The following MTHFD1L variants were observed in gnomAD, a reference collection of about 807,000 sequenced individuals.
MTHFD1L encodes monofunctional C1-tetrahydrofolate synthase, mitochondrial.
In MTHFD1L, 81 loss-of-function variants were observed where a neutral mutation model predicts 119.5. The ratio of observed to expected loss-of-function variants is 0.68; its 90% confidence interval spans 0.57 to 0.82. The LOEUF (loss-of-function observed/expected upper bound fraction) is 0.82. Ranked by LOEUF, MTHFD1L falls within the 40% of genes least tolerant of loss-of-function variation. The pLI is 0.00. For missense variants in MTHFD1L, 1,125 were observed against 1,253.4 expected, an observed-to-expected ratio of 0.90 and a Z score of 1.55; for synonymous variants, 430 against 475.2, an observed-to-expected ratio of 0.90 and a Z score of 1.24.
At chr6:151,027,069 T>C (rs1038688668) in intron 24 of MTHFD1L, among the ~76,000 whole-genome samples, 2 of 152,042 alleles carry the variant, frequency 1.3e-5, no homozygotes, top group Non-Finnish European at 2.9e-5. Context: ...AACCTCATGA[T>C]CCGCCCACCT....
intron 19 of MTHFD1L, among the ~76,000 whole-genome samples, chr6:150,966,483 T>C (rs987492625): frequency 6.6e-6 from 1 of 152,034 alleles, no homozygotes; most frequent in African/African-American, 2.4e-5. Flanking sequence ...ACATGAGATG[T>C]GGGTGGGGAC....
chr6:150,868,425 C>T (rs978725825), intron 1 of MTHFD1L, among the ~76,000 whole-genome samples: 23 of 150,636 alleles, frequency 1.5e-4, no homozygotes, highest in African/African-American at 5.6e-4. Context: ...CTGCAACCTC[C>T]GCCTCCCGGG....
intron 12 of MTHFD1L, among the ~76,000 whole-genome samples, chr6:150,937,556 A>G (rs1302934975): frequency 6.6e-6 from 1 of 152,204 alleles, no homozygotes; most frequent in Non-Finnish European, 1.5e-5. Context: ...AGAATATTGC[A>G]TTTGTATTAC....
At chr6:150,931,301 G>A (rs535668334) in intron 11 of MTHFD1L, among the ~76,000 whole-genome samples, 194 of 144,832 alleles carry the variant, frequency 1.3e-3, no homozygotes, top group African/African-American at 4.9e-3. Flanking sequence ...TCTGCAGAGG[G>A]CCAAATACCC....
rs140541972 is a variant in MTHFD1L, at chr6:150,888,595, A to G, written c.780+614A>G. ...ATATAAAAGCAGAGGTATCATCTTC[A>G]TGGAGAAGATGCAATATCTTAAAGA... On this transcript the variant is annotated intron_variant, in intron 7 of 27. Coordinates refer to ENST00000367321, the MANE Select transcript of MTHFD1L (RefSeq NM_015440.5). Among the ~76,000 whole-genome samples the G allele has an allele frequency of 2.2e-3, 336 of 152,352 alleles. 2 individuals carry two copies. Among genetic ancestry groups the G allele is most frequent in the African/African-American group, 7.4e-3 (308 of 41,582 alleles).
intron 26 of MTHFD1L, among the ~76,000 whole-genome samples, chr6:151,042,940 T>C (rs1225922555): frequency 6.6e-6 from 1 of 152,218 alleles, no homozygotes; most frequent in East Asian, 1.9e-4. Context: ...CTCAGGCCAG[T>C]TGCAAGAGAG....
At chr6:151,029,095 T>C (rs1489540904) in intron 24 of MTHFD1L, among the ~76,000 whole-genome samples, 2 of 152,154 alleles carry the variant, frequency 1.3e-5, no homozygotes, top group African/African-American at 4.8e-5. Flanking sequence ...TTATATGTTA[T>C]GTGTACGTTA....
intron 20 of MTHFD1L, among the ~76,000 whole-genome samples, chr6:151,009,047 G>A (rs376834254): frequency 4.0e-5 from 6 of 150,644 alleles, no homozygotes; most frequent in Admixed American, 1.3e-4. Flanking sequence ...GCTTGAACCC[G>A]GGAGGCGGAG....
intron 26 of MTHFD1L, chr6:151,057,430 C>T: frequency 1.2e-6 from 1 of 801,898 alleles, no homozygotes. Context: ...TGCTTGAGCC[C>T]AGGAGTTTGA....
chr6:150,923,102 A>G (rs1162249637), intron 10 of MTHFD1L, among the ~76,000 whole-genome samples: 1 of 152,166 alleles, frequency 6.6e-6, no homozygotes, highest in Non-Finnish European at 1.5e-5. Context: ...TACTCTGGGG[A>G]TAAAGGACCG....
At chr6:151,027,664 TC>T (rs200596243) in intron 24 of MTHFD1L, among the ~76,000 whole-genome samples, 5 of 149,856 alleles carry the variant, frequency 3.3e-5, no homozygotes, top group Non-Finnish European at 7.4e-5. Flanking sequence ...ATTACACTTC[TC>T]CCCCAAATCA....
intron 9 of MTHFD1L, among the ~76,000 whole-genome samples, chr6:150,919,090 G>C (rs1288926226): frequency 6.6e-6 from 1 of 151,488 alleles, no homozygotes; most frequent in Non-Finnish European, 1.5e-5. Flanking sequence ...TTGAACCCAG[G>C]AGACAGAGGT....
intron 11 of MTHFD1L, among the ~76,000 whole-genome samples, chr6:150,932,816 G>GAGGAAGGAAGGAAGGAAGGAAGGA (rs60832992): frequency 3.3e-5 from 4 of 119,482 alleles, no homozygotes; most frequent in African/African-American, 9.9e-5. Flanking sequence ...GAGAGGGAGG[G>GAGGAAGGAAGGAAGGAAGGAAGGA]AGGAAGGAAG....
intron 26 of MTHFD1L, among the ~76,000 whole-genome samples, chr6:151,060,001 T>C (rs1233573349): frequency 6.6e-6 from 1 of 152,124 alleles, no homozygotes; most frequent in Non-Finnish European, 1.5e-5. Context: ...CAGGCCAAGG[T>C]CAGCAAGAGG....
chr6:150,865,949 C>T lies in MTHFD1L; in HGVS notation c.127C>T (p.Arg43Trp). 1 of 1,228,314 alleles carries T rather than the reference C, an allele frequency of 8.1e-7. No individual in the cohort carries two copies. The highest frequency in any genetic ancestry group is 1.0e-6 in the Non-Finnish European group (1 of 988,570). The allele number at this position is 1,228,314 out of a possible 1,614,324, so 76.1% of individuals were successfully genotyped here. ...CGGCGGCGGAGGCGGCGGCGGTGGC[C>T]GGGAGGGCCTGCTTGGACAGCGGCG... ...SGGGGGGGGG[R>W]EGLLGQRRPQ... The change falls in exon 1 of 28, where the codon CGG becomes TGG. Residue 43 changes from arginine (R) to tryptophan (W), a missense_variant. Coordinates refer to ENST00000367321, the MANE Select transcript of MTHFD1L (RefSeq NM_015440.5).
chr6:150,951,881 A>T (rs1794927727), intron 16 of MTHFD1L, among the ~76,000 whole-genome samples: 1 of 152,024 alleles, frequency 6.6e-6, no homozygotes, highest in Non-Finnish European at 1.5e-5. Context: ...AGGAAGGTGG[A>T]AATTAGTGTA....
At chr6:151,089,373 G>A (rs1158253504) in intron 26 of MTHFD1L, among the ~76,000 whole-genome samples, 6 of 152,178 alleles carry the variant, frequency 3.9e-5, no homozygotes, top group African/African-American at 1.4e-4. Flanking sequence ...AGGCTGAGGC[G>A]GGTGGATCAC....
chr6:151,094,597 G>A (rs1243858566), intron 27 of MTHFD1L, among the ~76,000 whole-genome samples: 1 of 151,978 alleles, frequency 6.6e-6, no homozygotes, highest in Non-Finnish European at 1.5e-5. Flanking sequence ...AGGCTGGAGT[G>A]CAGCGGCACT....
intron 19 of MTHFD1L, among the ~76,000 whole-genome samples, chr6:150,967,335 C>A (rs1797358369): frequency 6.6e-6 from 1 of 152,194 alleles, no homozygotes; most frequent in African/African-American, 2.4e-5. Flanking sequence ...CCTCTGGCGT[C>A]TGGGGTCCCC....
Sources: allele counts gnomAD v4.1 joint callset (sites outside exome capture counted in the v4.1 genomes callset), GRCh38; gene constraint gnomAD v4.1.1; transcripts MANE v1.5; gene names NCBI Gene and HGNC (gene_info 2026-07-23, HGNC 2026-07-21).